The following KIAA1671 variants were observed in gnomAD, a reference collection of about 807,000 sequenced individuals.
KIAA1671 encodes KIAA1671.
KIAA1671 carries 52 observed loss-of-function variants against 131.2 expected under a neutral mutation model. That is an observed-to-expected ratio of 0.40 (90% CI 0.32 to 0.50). The LOEUF is 0.50. Ranked by LOEUF, KIAA1671 falls within the 20% of genes least tolerant of loss-of-function variation. The pLI is 0.73. For synonymous variants in KIAA1671, 1,003 were observed against 961.6 expected (o/e 1.04, Z -0.80); for missense variants, 2,360 against 2,364.2 (o/e 1.00, Z 0.04).
At chr22:24,992,085 C>T (rs575868937) in intron 1 of KIAA1671, among the ~76,000 whole-genome samples, 5 of 152,224 alleles carry the variant, frequency 3.3e-5, no homozygotes, top group African/African-American at 7.2e-5. Context: ...TGGCAGACAC[C>T]GCCCTTGGCA....
intron 1 of KIAA1671, among the ~76,000 whole-genome samples, chr22:24,967,613 G>A (rs1258430650): frequency 2.0e-5 from 3 of 152,228 alleles, no homozygotes; most frequent in African/African-American, 7.2e-5. Flanking sequence ...AGGAGGCAGA[G>A]AGCAGCAGGC....
chr22:24,965,946 TTG>T (rs1922283518), intron 1 of KIAA1671, among the ~76,000 whole-genome samples: 1 of 152,192 alleles, frequency 6.6e-6, no homozygotes, highest in African/African-American at 2.4e-5. Context: ...GACATAGATT[TTG>T]TGTGTTTATA....
intron 3 of KIAA1671, 127 bp downstream of exon 3, chr22:25,029,667 G>T (rs1926168288): frequency 1.4e-6 from 1 of 694,882 alleles, no homozygotes; most frequent in Admixed American, 3.0e-5. Flanking sequence ...AGAGGAGGTA[G>T]TGGCAGTGTC....
At chr22:25,124,684 A>T (rs956842407) in intron 6 of KIAA1671, among the ~76,000 whole-genome samples, 1 of 152,132 alleles carries the variant, frequency 6.6e-6, no homozygotes, top group Non-Finnish European at 1.5e-5. Flanking sequence ...TATCCTTACA[A>T]CCTTGATACA....
chr22:25,078,693 T>C (rs1401226492), intron 6 of KIAA1671, among the ~76,000 whole-genome samples: 1 of 152,202 alleles, frequency 6.6e-6, no homozygotes, highest in African/African-American at 2.4e-5. Context: ...CAGATCATAG[T>C]GGCTTCAGTT....
chr22:25,153,564 G>A (rs772378756), intron 6 of KIAA1671, among the ~76,000 whole-genome samples: 17 of 152,224 alleles, frequency 1.1e-4, no homozygotes, highest in Non-Finnish European at 2.5e-4. Context: ...TGGCCCCTGG[G>A]TTTGAGATTG....
At chr22:25,113,580 A>G (rs773017874) in intron 6 of KIAA1671, among the ~76,000 whole-genome samples, 22 of 152,192 alleles carry the variant, frequency 1.4e-4, no homozygotes, top group Non-Finnish European at 3.1e-4. Context: ...TGCCAGGTGC[A>G]GGGGCTCAGT....
chr22:25,061,407 T>G (rs1321967640), intron 6 of KIAA1671: 1 of 152,220 alleles, frequency 6.6e-6, no homozygotes, highest in Non-Finnish European at 1.5e-5. Context: ...AGTGCTGTAA[T>G]TTATTCCCAA....
chr22:24,999,801 G>A (rs62233171), intron 1 of KIAA1671, among the ~76,000 whole-genome samples: 7 of 150,476 alleles, frequency 4.7e-5, no homozygotes, highest in Non-Finnish European at 1.0e-4. Context: ...GGGCTCAAGC[G>A]ATCCTCTCTC....
In KIAA1671 at chr22:25,000,691, A is replaced by G. The variant is rs147466886; in HGVS notation, c.-207-24942A>G. On this transcript the variant is annotated intron_variant, in intron 1 of 12. Coordinates refer to ENST00000358431, the MANE Select transcript of KIAA1671 (RefSeq NM_001145206.2). Reference sequence around the variant, plus strand: ...GCCACCATGCCTGGATAATTTTTGTATATTTAGTAGAGTTGGGGTTTCATC... The same window carrying G: ...GCCACCATGCCTGGATAATTTTTGTGTATTTAGTAGAGTTGGGGTTTCATC... Among the ~76,000 whole-genome samples, 1,443 of 149,806 alleles carry G rather than the reference A, an allele frequency of 9.6e-3. 20 individuals carry two copies. The highest frequency in any genetic ancestry group is 0.034 in the African/African-American group (1,379 of 40,632).
rs1325829884 is a variant in KIAA1671 at position 25,192,632 on chromosome 22, G to A, written c.*231G>A. On this transcript the variant is annotated 3_prime_UTR_variant, in exon 13 of 13. Transcript: ENST00000358431. ...GCTCATCTCCCCAGACAGCACTTCA[G>A]GCTGGGAAAGGAGCCAGGCTGCCCA... The A allele has an allele frequency of 1.3e-5, 2 of 152,250 alleles. No homozygotes were observed. Among genetic ancestry groups the A allele is most frequent in the Non-Finnish European group, 2.9e-5 (2 of 68,050 alleles). The allele number at this position is 152,250 out of a possible 1,614,324, so 9.4% of individuals were successfully genotyped here.
chr22:24,964,481 GC>G (rs1185940185), intron 1 of KIAA1671, among the ~76,000 whole-genome samples: 1 of 151,950 alleles, frequency 6.6e-6, no homozygotes, highest in Admixed American at 6.6e-5. Flanking sequence ...GGGTCCAGTG[GC>G]GCTATCACAG....
chr22:25,086,357 T>C (rs934474967), intron 6 of KIAA1671, among the ~76,000 whole-genome samples: 2 of 152,152 alleles, frequency 1.3e-5, no homozygotes, highest in Non-Finnish European at 2.9e-5. Context: ...TCTTGCTCAT[T>C]AGTTTCCCCA....
intron 6 of KIAA1671, among the ~76,000 whole-genome samples, chr22:25,118,827 G>C (rs1367249469): frequency 6.6e-6 from 1 of 152,006 alleles, no homozygotes; most frequent in Non-Finnish European, 1.5e-5. Flanking sequence ...CTGACCTCCT[G>C]CTCTTCGTCA....
chr22:25,027,687 A>T (rs932903882), intron 2 of KIAA1671, among the ~76,000 whole-genome samples: 1 of 152,178 alleles, frequency 6.6e-6, no homozygotes, highest in African/African-American at 2.4e-5. Context: ...GTCAGGGGAA[A>T]GTCCTCCAGA....
chr22:25,060,011 C>T (rs969119617), intron 6 of KIAA1671: 9 of 152,084 alleles, frequency 5.9e-5, no homozygotes, highest in African/African-American at 1.2e-4. Context: ...GGCCCTTTCC[C>T]GGGGATTCTG....
chr22:25,170,524 T>C (rs192970591), intron 6 of KIAA1671, among the ~76,000 whole-genome samples: 16 of 152,290 alleles, frequency 1.1e-4, no homozygotes, highest in East Asian at 7.7e-4. Flanking sequence ...GAGAGGGCCA[T>C]TGAGGTGGGG....
intron 8 of KIAA1671, chr22:25,175,772 C>T (rs1018326964): frequency 2.0e-5 from 3 of 152,190 alleles, no homozygotes; most frequent in Admixed American, 6.5e-5. Context: ...AAACTGCCTG[C>T]GCTTTTTGCA....
At chr22:25,036,891 T>C (rs1926631382) in intron 4 of KIAA1671, among the ~76,000 whole-genome samples, 1 of 151,808 alleles carries the variant, frequency 6.6e-6, no homozygotes. Flanking sequence ...GCCATTGTAC[T>C]CCAGCCTGGG....
Sources: gnomAD v4.1 joint callset for allele counts (sites outside exome capture counted in the v4.1 genomes callset) on GRCh38, gnomAD v4.1.1 for gene constraint, MANE v1.5 for transcripts, NCBI Gene and HGNC (gene_info 2026-07-23, HGNC 2026-07-21) for gene names.